Variants in TSPAN5 observed in about 807,000 individuals in gnomAD.
TSPAN5 encodes the protein tetraspanin 5, also known as tetraspanin-5.
TSPAN5 carries 10 observed loss-of-function variants against 37.1 expected under a neutral mutation model. The ratio of observed to expected loss-of-function variants is 0.27; its 90% CI spans 0.17 to 0.46. The LOEUF (loss-of-function observed/expected upper bound fraction) is 0.46, where lower values mean the gene tolerates loss of function less well. Among genes scored for constraint, TSPAN5 ranks in the 20% least tolerant of loss-of-function variants. The probability of loss-of-function intolerance (pLI) is 1.00; values close to 1 mark genes in which losing one functional copy is unlikely to be tolerated. For missense variants in TSPAN5, 195 were observed against 326.6 expected (o/e 0.60, Z 3.11); for synonymous variants, 110 against 118.9 (o/e 0.93, Z 0.48).
At chr4:98,608,027 C>A (rs1209647754) in intron 1 of TSPAN5, among the ~76,000 whole-genome samples, 1 of 152,106 alleles carries the variant, frequency 6.6e-6, no homozygotes, top group African/African-American at 2.4e-5. Flanking sequence ...TTTATATATA[C>A]TATACCTATT....
At chr4:98,558,480 G>A (rs540774885) in intron 1 of TSPAN5, among the ~76,000 whole-genome samples, 6 of 152,234 alleles carry the variant, frequency 3.9e-5, no homozygotes, top group South Asian at 2.1e-4. Flanking sequence ...GAGGGTAAAC[G>A]GCTTGTGCAC....
chr4:98,601,532 T>C (rs28831078), intron 1 of TSPAN5, among the ~76,000 whole-genome samples: 9,194 of 152,312 alleles, frequency 0.06, 328 homozygotes, highest in African/African-American at 0.1. Context: ...CTCCGGCTTT[T>C]CTTCTGTAGT....
At chr4:98,486,710 A>G (rs577779683) in intron 3 of TSPAN5, 28 bp downstream of exon 3, 68 of 1,613,700 alleles carry the variant, frequency 4.2e-5, no homozygotes, top group Non-Finnish European at 5.4e-5. Flanking sequence ...TTGGCTCTCA[A>G]TCTGAGAGTA....
intron 1 of TSPAN5, among the ~76,000 whole-genome samples, chr4:98,600,834 TC>T (rs1282561577): frequency 1.3e-5 from 2 of 152,212 alleles, no homozygotes; most frequent in African/African-American, 4.8e-5. Context: ...GTTTTCAATT[TC>T]CTTTGCCCAT....
At chr4:98,487,705 C>T (rs1307954372) in intron 2 of TSPAN5, among the ~76,000 whole-genome samples, 4 of 152,164 alleles carry the variant, frequency 2.6e-5, no homozygotes, top group Non-Finnish European at 5.9e-5. Context: ...ATTTCTTACC[C>T]CCTTCGAGTT....
chr4:98,561,333 T>C (rs1046140240), intron 1 of TSPAN5, among the ~76,000 whole-genome samples: 2 of 152,218 alleles, frequency 1.3e-5, no homozygotes, highest in Non-Finnish European at 2.9e-5. Context: ...GCGGATCACC[T>C]GAGGTCGGGA....
intron 1 of TSPAN5, among the ~76,000 whole-genome samples, chr4:98,595,610 C>T (rs1168855728): frequency 1.4e-4 from 19 of 133,410 alleles, no homozygotes; most frequent in Admixed American, 4.5e-4. Flanking sequence ...GCTTTGAATG[C>T]GTCCCAGAGA....
intron 1 of TSPAN5, among the ~76,000 whole-genome samples, chr4:98,533,118 A>G (rs186894805): frequency 6.6e-6 from 1 of 152,242 alleles, no homozygotes; most frequent in African/African-American, 2.4e-5. Context: ...TTTCTGCATC[A>G]ATGTTCATCA....
chr4:98,618,346 C>T (rs1360750851), intron 1 of TSPAN5, among the ~76,000 whole-genome samples: 2 of 152,016 alleles, frequency 1.3e-5, no homozygotes, highest in African/African-American at 4.8e-5. Flanking sequence ...ACCTAAGGCA[C>T]TGTGAACTTA....
At chr4:98,570,154 A>G (rs1181356999) in intron 1 of TSPAN5, among the ~76,000 whole-genome samples, 2 of 152,228 alleles carry the variant, frequency 1.3e-5, no homozygotes, top group African/African-American at 4.8e-5. Flanking sequence ...TTTTGAATTC[A>G]TGGAAATGTT....
intron 1 of TSPAN5, among the ~76,000 whole-genome samples, chr4:98,570,863 C>G: frequency 6.6e-6 from 1 of 152,042 alleles, no homozygotes; most frequent in East Asian, 1.9e-4. Flanking sequence ...CAAACTGGCT[C>G]TGAGCAACGC....
At chr4:98,654,289 T>C (rs1454544827) in intron 1 of TSPAN5, among the ~76,000 whole-genome samples, 1 of 152,236 alleles carries the variant, frequency 6.6e-6, no homozygotes, top group South Asian at 2.1e-4. Flanking sequence ...GGAGGTTATG[T>C]AGCAATAAAT....
intron 2 of TSPAN5, among the ~76,000 whole-genome samples, chr4:98,499,895 C>T (rs1006648302): frequency 6.6e-6 from 1 of 151,968 alleles, no homozygotes; most frequent in Non-Finnish European, 1.5e-5. Context: ...CTCCTGACCT[C>T]GTGATCTGCT....
At chr4:98,651,469 T>C (rs1757184301) in intron 1 of TSPAN5, among the ~76,000 whole-genome samples, 1 of 152,222 alleles carries the variant, frequency 6.6e-6, no homozygotes, top group Non-Finnish European at 1.5e-5. Flanking sequence ...ATTGGTAATT[T>C]CCTGGCTTTC....
At chr4:98,634,499 T>A (rs1234000935) in intron 1 of TSPAN5, among the ~76,000 whole-genome samples, 1 of 152,274 alleles carries the variant, frequency 6.6e-6, no homozygotes, top group African/African-American at 2.4e-5. Flanking sequence ...GGGGTAAATG[T>A]ATTATTTTCA....
intron 2 of TSPAN5, among the ~76,000 whole-genome samples, chr4:98,503,287 G>A (rs879638133): frequency 6.6e-6 from 1 of 152,102 alleles, no homozygotes; most frequent in Non-Finnish European, 1.5e-5. Context: ...ACGCAATCCA[G>A]CCACACTCTC....
Position 98,478,698 on chromosome 4 carries a change from G to T in TSPAN5, c.563C>A (p.Thr188Asn). The T allele has an allele frequency of 9.9e-6, 16 of 1,614,186 alleles. No homozygotes were observed. The highest frequency in any genetic ancestry group is 1.4e-5 in the Non-Finnish European group (16 of 1,180,032). The change falls in exon 5 of 8, where the codon ACT (threonine) becomes AAT (asparagine). Residue 188 changes from threonine to asparagine, a missense_variant. By Grantham distance (65) the Thr-to-Asn change is moderately conservative. Transcript: ENST00000305798. Reference protein sequence around the residue: ...ERCGVPFSCCTKDPAEDVINT... With the variant: ...ERCGVPFSCCNKDPAEDVINT... ...GCATTCACTTACTGCGGGATCTTTA[G>T]TGCAGCAGGAGAATGGAACGCCACA...
intron 1 of TSPAN5, among the ~76,000 whole-genome samples, chr4:98,569,809 T>C (rs1755082043): frequency 6.6e-6 from 1 of 152,280 alleles, no homozygotes; most frequent in African/African-American, 2.4e-5. Context: ...CAATGACTGG[T>C]TGGGACCATG....
intron 1 of TSPAN5, among the ~76,000 whole-genome samples, chr4:98,621,828 G>C (rs1323022167): frequency 9.9e-6 from 1 of 100,670 alleles, no homozygotes; most frequent in Non-Finnish European, 2.0e-5. Context: ...TCTGCTTTCT[G>C]TCTCTATGAT....
Sources: allele counts gnomAD v4.1 joint callset (sites outside exome capture counted in the v4.1 genomes callset), GRCh38; gene constraint gnomAD v4.1.1; transcripts MANE v1.5; gene names NCBI Gene and HGNC (gene_info 2026-07-23, HGNC 2026-07-21).